COL19A1: variants seen among roughly 807,000 people sequenced by gnomAD.
COL19A1 encodes the protein collagen alpha-1(XIX) chain.
A neutral mutation model predicts 190.2 loss-of-function variants in COL19A1; 159 were observed. The ratio of observed to expected loss-of-function variants is 0.84; its 90% confidence interval spans 0.73 to 0.95. COL19A1 has a LOEUF of 0.95. COL19A1 is among the 40% of genes least tolerant of loss of function. The pLI is 0.00. For missense variants in COL19A1, 1,418 were observed against 1,431.9 expected (o/e 0.99, Z 0.16); for synonymous variants, 509 against 458.9 (o/e 1.11, Z -1.39).
intron 4 of COL19A1, among the ~76,000 whole-genome samples, chr6:69,914,155 G>T (rs1019168891): frequency 6.6e-6 from 1 of 152,116 alleles, no homozygotes; most frequent in Non-Finnish European, 1.5e-5. Context: ...TCAGGCGTGA[G>T]ATTGTTAGAG....
At chr6:70,121,631 C>T (rs774425881) in intron 16 of COL19A1, among the ~76,000 whole-genome samples, 3 of 152,128 alleles carry the variant, frequency 2.0e-5, no homozygotes, top group African/African-American at 7.2e-5. Flanking sequence ...GGCTGACCTT[C>T]TGGTAAAATG....
At chr6:70,121,278 C>T (rs1784867645) in intron 16 of COL19A1, among the ~76,000 whole-genome samples, 1 of 152,106 alleles carries the variant, frequency 6.6e-6, no homozygotes, top group Non-Finnish European at 1.5e-5. Flanking sequence ...TTGCTTCTTT[C>T]CTATCCACTC....
chr6:70,195,177 T>C (rs1767124578), intron 48 of COL19A1, among the ~76,000 whole-genome samples: 1 of 145,440 alleles, frequency 6.9e-6, no homozygotes, highest in Non-Finnish European at 1.5e-5. Context: ...AGTTAAAAAA[T>C]ATATTTTCCA....
intron 15 of COL19A1, among the ~76,000 whole-genome samples, chr6:70,081,938 GA>G (rs1453561214): frequency 4.0e-5 from 6 of 151,862 alleles, no homozygotes; most frequent in Non-Finnish European, 5.9e-5. Flanking sequence ...TTAATGGTAG[GA>G]AAAAATAAAA....
chr6:70,199,538 G>A (rs1018719600), intron 48 of COL19A1, 70 bp from the exon 49 acceptor site: 70 of 1,136,442 alleles, frequency 6.2e-5, no homozygotes, highest in Non-Finnish European at 7.9e-5. Context: ...TTGATTTCAT[G>A]TATTTTGAAA....
At chr6:70,024,262 G>T (rs541071614) in intron 12 of COL19A1, among the ~76,000 whole-genome samples, 1 of 152,254 alleles carries the variant, frequency 6.6e-6, no homozygotes, top group African/African-American at 2.4e-5. Flanking sequence ...TTGAAGGATG[G>T]CCCAAATGTG....
intron 18 of COL19A1, chr6:70,130,957 A>G (rs1785485734): frequency 3.2e-6 from 1 of 314,402 alleles, no homozygotes; most frequent in African/African-American, 2.2e-5. Context: ...GGGGTTTTAT[A>G]CTGTCCAGTA....
intron 2 of COL19A1, among the ~76,000 whole-genome samples, chr6:69,886,504 C>T (rs79449304): frequency 0.012 from 1,784 of 152,254 alleles, 22 homozygotes; most frequent in Non-Finnish European, 0.018. Context: ...GATGAAATCC[C>T]TACCTTGTGA....
intron 42 of COL19A1, among the ~76,000 whole-genome samples, chr6:70,177,214 T>C (rs1765869324): frequency 6.6e-6 from 1 of 152,192 alleles, no homozygotes; most frequent in South Asian, 2.1e-4. Flanking sequence ...GTGGTCACGC[T>C]TTATGAATAA....
chr6:69,915,911 C>T (rs940370530), intron 4 of COL19A1, among the ~76,000 whole-genome samples: 5 of 150,222 alleles, frequency 3.3e-5, no homozygotes, highest in African/African-American at 1.2e-4. Context: ...ACTACTACTT[C>T]CTGAAAATTA....
chr6:70,166,054 G>T (rs772047055), intron 37 of COL19A1, 69 bp downstream of exon 37: 1 of 1,272,650 alleles, frequency 7.9e-7, no homozygotes, highest in Non-Finnish European at 1.1e-6. Context: ...TCAGAGGTAA[G>T]ACTACATTTA....
rs3793026 is a variant in COL19A1 at position 69,961,148 on chromosome 6, T to C, written c.981+1108T>C. ...AGCCAAGCATATCATTTCTGTGCTCTGGAGATGTTTTACTGGTTTTGGCAA... is the reference window on the plus strand; with the variant it reads ...AGCCAAGCATATCATTTCTGTGCTCCGGAGATGTTTTACTGGTTTTGGCAA... On this transcript the variant is annotated intron_variant, in intron 10 of 50. Transcript: ENST00000620364. 1.6e-4 allele frequency among the ~76,000 whole-genome samples: 25 copies of C among 152,332 alleles called. No homozygotes were observed. In the East Asian group the frequency reaches 4.8e-3, roughly 29 times the overall value.
chr6:69,991,624 C>T (rs1301109361), intron 11 of COL19A1, among the ~76,000 whole-genome samples: 1 of 151,952 alleles, frequency 6.6e-6, no homozygotes, highest in African/African-American at 2.4e-5. Flanking sequence ...TGATTTACAT[C>T]TCTCTGATGA....
At chr6:69,960,623 C>CTTT (rs35552190) in intron 10 of COL19A1, among the ~76,000 whole-genome samples, 338 of 109,828 alleles carry the variant, frequency 3.1e-3, no homozygotes, top group Non-Finnish European at 4.3e-3. Context: ...TGTGCCCCCA[C>CTTT]TTTTTTTTTT....
chr6:69,879,509 A>G, intron 1 of COL19A1, 27 bp from the exon 2 acceptor site: 1 of 1,413,458 alleles, frequency 7.1e-7, no homozygotes, highest in Non-Finnish European at 1.0e-6. Flanking sequence ...AATAAACTTT[A>G]TTCAAATTTT....
At chr6:69,920,979 TTCATATATATATTCATATATATA>T (rs1771677015) in intron 4 of COL19A1, among the ~76,000 whole-genome samples, 1 of 42,990 alleles carries the variant, frequency 2.3e-5, no homozygotes, top group South Asian at 8.3e-4. Context: ...CATATGTATA[TTCATATATATATTCATATATATA>T]TCATATATAT....
chr6:69,956,408 A>G (rs1337122204), intron 9 of COL19A1, among the ~76,000 whole-genome samples: 1 of 151,968 alleles, frequency 6.6e-6, no homozygotes, highest in Non-Finnish European at 1.5e-5. Flanking sequence ...TAACTTGGTA[A>G]TTTATTTCTT....
At chr6:70,120,656 T>A (rs1784835535) in intron 16 of COL19A1, among the ~76,000 whole-genome samples, 1 of 152,206 alleles carries the variant, frequency 6.6e-6, no homozygotes, top group African/African-American at 2.4e-5. Context: ...CGTTTGTCTT[T>A]CCAATCATAG....
At chr6:70,059,631 A>T (rs1780705072) in intron 14 of COL19A1, 2 of 279,810 alleles carry the variant, frequency 7.1e-6, no homozygotes, top group Non-Finnish European at 1.5e-5. Flanking sequence ...TTTTTTGCTT[A>T]TTTTTATCTT....
Sources: gnomAD v4.1 joint callset for allele counts (sites outside exome capture counted in the v4.1 genomes callset) on GRCh38, gnomAD v4.1.1 for gene constraint, MANE v1.5 for transcripts, NCBI Gene and HGNC (gene_info 2026-07-23, HGNC 2026-07-21) for gene names.